Variants in PTPRN2 observed in about 807,000 individuals in gnomAD.
The protein encoded by PTPRN2 is receptor-type tyrosine-protein phosphatase N2.
Under a neutral mutation model 118.8 loss-of-function variants are expected in PTPRN2, and 74 were observed. The observed-to-expected ratio is 0.62, with a 90% confidence interval of 0.52 to 0.76. PTPRN2 has a LOEUF of 0.76. Ranked by LOEUF, PTPRN2 falls within the 30% of genes least tolerant of loss-of-function variation. The pLI, the probability that PTPRN2 is intolerant of heterozygous loss-of-function variation, is 0.00. For synonymous variants in PTPRN2, 641 were observed against 608.0 expected, an observed-to-expected ratio of 1.05 and a Z score of -0.80; for missense variants, 1,481 against 1,394.4, an observed-to-expected ratio of 1.06 and a Z score of -0.99.
intron 2 of PTPRN2, among the ~76,000 whole-genome samples, chr7:158,440,474 G>A (rs1398012993): frequency 1.3e-5 from 2 of 151,950 alleles, no homozygotes; most frequent in African/African-American, 2.4e-5. Context: ...TATGGGTGTG[G>A]TGGTGATGAT....
chr7:158,318,082 C>T lies in PTPRN2; in HGVS notation c.164-1150G>A, dbSNP rs191420607. The stretch of plus-strand genomic sequence containing the variant: ...GCCGCGCCGCCTCCTGTCCGAGAGC[C>T]GGCCCGAGATGCCTGCGAGGCCACA... On this transcript the variant is annotated intron_variant, in intron 2 of 22. Transcript: ENST00000389418. Among the ~76,000 whole-genome samples the T allele has an allele frequency of 3.9e-3, 591 of 152,200 alleles. 3 individuals carry two copies. Among genetic ancestry groups the T allele is most frequent in the African/African-American group, 0.013 (560 of 41,542 alleles).
intron 12 of PTPRN2, among the ~76,000 whole-genome samples, chr7:157,714,669 T>C (rs1173295399): frequency 6.6e-6 from 1 of 152,192 alleles, no homozygotes; most frequent in East Asian, 1.9e-4. Context: ...GGCCCTGAAG[T>C]CAGGGATCCC....
intron 11 of PTPRN2, among the ~76,000 whole-genome samples, chr7:158,070,296 G>A (rs911202082): frequency 5.6e-5 from 8 of 143,754 alleles, no homozygotes; most frequent in African/African-American, 2.1e-4. Context: ...GCTCGTGGTG[G>A]TGGAGGTGCT....
At chr7:158,079,087 C>T (rs1812601261) in intron 11 of PTPRN2, among the ~76,000 whole-genome samples, 3 of 152,318 alleles carry the variant, frequency 2.0e-5, no homozygotes, top group Middle Eastern at 6.8e-3. Context: ...AAGTGACCCG[C>T]CCACCTTGGC....
At chr7:157,872,618 G>A (rs895292788) in intron 12 of PTPRN2, among the ~76,000 whole-genome samples, 1 of 152,272 alleles carries the variant, frequency 6.6e-6, no homozygotes, top group Non-Finnish European at 1.5e-5. Flanking sequence ...ACACTTGGTG[G>A]CCTCCTTGGT....
rs58070541 is a variant in PTPRN2 at position 158,503,985 on chromosome 7, CAAA to C, written c.113-14203_113-14201del. ...CTGGGGGACAAGAGTGAGACTGTCT[CAAA>C]AAAAAAAAAATGGAAAAAAAATTAT... On this transcript the variant is annotated intron_variant, in intron 1 of 22. Coordinates refer to ENST00000389418, the MANE Select transcript of PTPRN2 (RefSeq NM_002847.5). 2.5e-5 allele frequency among the ~76,000 whole-genome samples: 3 copies of C among 118,168 alleles called. No homozygotes were observed. In the East Asian group the frequency reaches 6.7e-4, roughly 26 times the overall value. 77.5% of individuals were successfully genotyped at this position (118,168 alleles called of 152,430 possible).
intron 3 of PTPRN2, among the ~76,000 whole-genome samples, chr7:158,240,024 T>A (rs1182005261): frequency 6.6e-6 from 1 of 152,046 alleles, no homozygotes; most frequent in Non-Finnish European, 1.5e-5. Context: ...CTCCAGCGCC[T>A]CTCCTACTAG....
At chr7:157,962,697 G>A (rs1801631266) in intron 11 of PTPRN2, among the ~76,000 whole-genome samples, 1 of 152,156 alleles carries the variant, frequency 6.6e-6, no homozygotes, top group African/African-American at 2.4e-5. Flanking sequence ...GGTTTTCAGT[G>A]ACAAGCATAG....
At chr7:157,766,232 C>T (rs946765160) in intron 12 of PTPRN2, among the ~76,000 whole-genome samples, 18 of 150,680 alleles carry the variant, frequency 1.2e-4, no homozygotes, top group African/African-American at 3.9e-4. Flanking sequence ...CCCATCCATC[C>T]ATCCAACCAT....
chr7:157,607,657 C>T (rs962853623), intron 15 of PTPRN2, among the ~76,000 whole-genome samples: 2 of 152,230 alleles, frequency 1.3e-5, no homozygotes, highest in Non-Finnish European at 2.9e-5. Flanking sequence ...GGGAGCTCCT[C>T]CTCAGCTGAG....
intron 1 of PTPRN2, among the ~76,000 whole-genome samples, chr7:158,549,608 G>A (rs1307285274): frequency 2.6e-5 from 4 of 152,290 alleles, no homozygotes; most frequent in African/African-American, 7.2e-5. Flanking sequence ...TAGGGTGGAG[G>A]AAGCAGCTGT....
At chr7:158,483,114 C>A (rs1820760016) in intron 2 of PTPRN2, among the ~76,000 whole-genome samples, 1 of 152,188 alleles carries the variant, frequency 6.6e-6, no homozygotes, top group South Asian at 2.1e-4. Flanking sequence ...CACAACTGTC[C>A]ATAAAAACAG....
chr7:158,031,942 T>A (rs1807722028), intron 11 of PTPRN2, among the ~76,000 whole-genome samples: 1 of 152,192 alleles, frequency 6.6e-6, no homozygotes, highest in East Asian at 1.9e-4. Flanking sequence ...GCCTCTGAAG[T>A]CTCTGGGTCT....
At position 158,131,220 on chromosome 7, in the gene PTPRN2, A is replaced by C. The variant is rs112186445; in HGVS notation, c.1556+2457T>G. Among the ~76,000 whole-genome samples the C allele has an allele frequency of 4.7e-3, 711 of 151,970 alleles. 8 individuals are homozygous for C. The highest frequency in any genetic ancestry group is 0.016 in the African/African-American group (658 of 41,312). On this transcript the variant is annotated intron_variant, in intron 9 of 22. Transcript: ENST00000389418. Reference sequence around the variant, plus strand: ...TACACACTCATATACACACACGTACATACACACACACCCAACAAACACACA... The same window carrying C: ...TACACACTCATATACACACACGTACCTACACACACACCCAACAAACACACA...
At chr7:157,880,276 A>G (rs1796037881) in intron 12 of PTPRN2, among the ~76,000 whole-genome samples, 1 of 152,238 alleles carries the variant, frequency 6.6e-6, no homozygotes, top group South Asian at 2.1e-4. Flanking sequence ...GCATCATAAA[A>G]TGCCACTGAC....
chr7:157,910,454 C>A (rs1313846162), intron 11 of PTPRN2, among the ~76,000 whole-genome samples: 1 of 147,876 alleles, frequency 6.8e-6, no homozygotes, highest in Non-Finnish European at 1.5e-5. Flanking sequence ...GGCACGTACG[C>A]CGGATCACGC....
At chr7:158,146,966 C>A (rs1156454038) in intron 6 of PTPRN2, among the ~76,000 whole-genome samples, 21 of 135,898 alleles carry the variant, frequency 1.5e-4, no homozygotes, top group East Asian at 9.1e-4. Context: ...GACACCCCAT[C>A]TCACGCCACG....
intron 2 of PTPRN2, among the ~76,000 whole-genome samples, chr7:158,365,365 T>C (rs958221505): frequency 1.1e-4 from 17 of 152,188 alleles, no homozygotes; most frequent in Non-Finnish European, 1.6e-4. Context: ...GTGTGATTTT[T>C]CCCATCTGTC....
chr7:158,235,240 C>T (rs1435808188), intron 3 of PTPRN2, among the ~76,000 whole-genome samples: 1 of 152,154 alleles, frequency 6.6e-6, no homozygotes, highest in Non-Finnish European at 1.5e-5. Flanking sequence ...ATTCCACTAC[C>T]GGGTTTGTAT....
Sources: gnomAD v4.1 joint callset for allele counts (sites outside exome capture counted in the v4.1 genomes callset) on GRCh38, gnomAD v4.1.1 for gene constraint, MANE v1.5 for transcripts, NCBI Gene and HGNC (gene_info 2026-07-23, HGNC 2026-07-21) for gene names.